SLC19A3: variants seen among roughly 807,000 people sequenced by gnomAD.
The protein encoded by SLC19A3 is thiamine transporter 2.
In SLC19A3, 31 loss-of-function variants were observed where a neutral mutation model predicts 40.2. The ratio of observed to expected loss-of-function variants is 0.77; its 90% CI spans 0.58 to 1.04. The LOEUF (loss-of-function observed/expected upper bound fraction) is 1.04, where lower values mean the gene tolerates loss of function less well. SLC19A3 is among the 50% of genes least tolerant of loss of function. SLC19A3 has a pLI of 0.00. For missense variants in SLC19A3, 592 were observed against 596.7 expected, an observed-to-expected ratio of 0.99 and a Z score of 0.08; for synonymous variants, 212 against 227.5, an observed-to-expected ratio of 0.93 and a Z score of 0.61.
chr2:227,708,560 T>TCAAACAAA (rs60812853), intron 1 of SLC19A3, among the ~76,000 whole-genome samples: 6 of 150,700 alleles, frequency 4.0e-5, no homozygotes, highest in African/African-American at 1.5e-4. Context: ...CCTGTCTCTA[T>TCAAACAAA]CAAACAAACA....
At chr2:227,698,395 T>C (rs996312946) in intron 3 of SLC19A3, among the ~76,000 whole-genome samples, 1 of 152,004 alleles carries the variant, frequency 6.6e-6, no homozygotes, top group Non-Finnish European at 1.5e-5. Flanking sequence ...TCTCCTGTCC[T>C]CGTGATTCGC....
Position 227,688,218 on chromosome 2 carries a change from A to C in SLC19A3, c.1262T>G (p.Met421Arg), listed in dbSNP as rs764115267. 6.2e-7 allele frequency: 1 copy of C among 1,614,148 alleles called. No individual in the cohort carries two copies. Among genetic ancestry groups the C allele is most frequent in the Admixed American group, 1.7e-5 (1 of 60,016 alleles). Residue 421 changes from methionine (M) to arginine (R), a missense_variant, in exon 5 of 6, where the codon ATG (methionine) becomes AGG (arginine). By Grantham distance (91) the Met-to-Arg change is moderately conservative. Coordinates refer to ENST00000644224, the MANE Select transcript of SLC19A3 (RefSeq NM_025243.4). ...TFIALVIQTI[M>R]TVIVVDQRGL... ...TCTCTGATCTACTACAATCACAGTC[A>C]TGATGGTCTGAATCACCAAGGCAAT...
intron 1 of SLC19A3, among the ~76,000 whole-genome samples, chr2:227,709,483 C>CA (rs1318454554): frequency 6.6e-6 from 1 of 152,016 alleles, no homozygotes; most frequent in Non-Finnish European, 1.5e-5. Context: ...GACTCTGTCC[C>CA]AAAAACAACA....
rs996377339 is a variant in SLC19A3, at chr2:227,699,342, C to G, written c.373G>C (p.Ala125Pro). The change falls in exon 3 of 6, where the codon GCC (alanine) becomes CCC (proline). Residue 125 changes from alanine (A) to proline (P), a missense_variant. By Grantham distance (27) the Ala-to-Pro change is conservative. Transcript: ENST00000644224. ...MVTAAEVAYY[A>P]YIYSVVSPEH... ...GGGCTGACCACGCTGTATATGTAGG[C>G]GTAGTAGGCCACCTCGGCGGCGGTG... The G allele has an allele frequency of 1.2e-6, 2 of 1,614,148 alleles. No individual in the cohort carries two copies.
intron 1 of SLC19A3, among the ~76,000 whole-genome samples, chr2:227,712,320 T>G (rs908996302): frequency 6.6e-6 from 1 of 152,046 alleles, no homozygotes; most frequent in East Asian, 1.9e-4. Flanking sequence ...AAAATAGTCT[T>G]AAAAGCAATA....
chr2:227,713,403 A>T (rs1219880143), intron 1 of SLC19A3, among the ~76,000 whole-genome samples: 1 of 3,046 alleles, frequency 3.3e-4, no homozygotes, highest in Non-Finnish European at 0.015. Flanking sequence ...CCCTGTTGTA[A>T]AAAAAAAAAA....
At chr2:227,688,537 A>G (rs188296431) in intron 4 of SLC19A3, among the ~76,000 whole-genome samples, 198 of 152,276 alleles carry the variant, frequency 1.3e-3, no homozygotes, top group Non-Finnish European at 2.2e-3. Flanking sequence ...CCAAAGCAGT[A>G]GCTCTAAGAG....
chr2:227,707,889 G>A (rs1320955609), intron 1 of SLC19A3, among the ~76,000 whole-genome samples: 1 of 152,108 alleles, frequency 6.6e-6, no homozygotes, highest in Non-Finnish European at 1.5e-5. Context: ...CACCATGCCT[G>A]GCTAGTTTTT....
chr2:227,691,139 A>T (rs578236739), intron 4 of SLC19A3, among the ~76,000 whole-genome samples: 1 of 152,336 alleles, frequency 6.6e-6, no homozygotes, highest in South Asian at 2.1e-4. Flanking sequence ...CCATAGAAAC[A>T]CATGGAAATT....
intron 1 of SLC19A3, among the ~76,000 whole-genome samples, chr2:227,714,805 C>CTTTTT (rs869073195): frequency 2.4e-3 from 194 of 79,896 alleles, no homozygotes; most frequent in African/African-American, 2.6e-3. Flanking sequence ...CCTGACTATT[C>CTTTTT]TTTTTTTTTT....
At chr2:227,690,982 A>G (rs1449835969) in intron 4 of SLC19A3, among the ~76,000 whole-genome samples, 1 of 152,178 alleles carries the variant, frequency 6.6e-6, no homozygotes, top group Non-Finnish European at 1.5e-5. Context: ...TGTTCTCAGC[A>G]TATGGATCAT....
At chr2:227,706,210 G>T in intron 1 of SLC19A3, 2 of 676,332 alleles carry the variant, frequency 3.0e-6, no homozygotes, top group Non-Finnish European at 4.2e-6. Context: ...ATTCCATTTT[G>T]ATCCCGTCAT....
At chr2:227,706,512 T>A in intron 1 of SLC19A3, 2 of 1,201,034 alleles carry the variant, frequency 1.7e-6, no homozygotes, top group Non-Finnish European at 2.1e-6. Flanking sequence ...GGCTCATGCT[T>A]GTAATCCCAG....
rs1695016147 is a variant in SLC19A3, at chr2:227,686,373, C to T, written c.*1024G>A. The T allele has an allele frequency of 4.4e-6, 1 of 228,910 alleles. No homozygotes were observed. Among genetic ancestry groups the T allele is most frequent in the Non-Finnish European group, 9.0e-6 (1 of 111,036 alleles). 14.2% of individuals were successfully genotyped at this position (228,910 alleles called of 1,614,324 possible). A position where few individuals can be genotyped will look rare whatever the true frequency, so the allele number is the denominator to read the frequency against. On this transcript the variant is annotated 3_prime_UTR_variant, in exon 6 of 6. Coordinates refer to ENST00000644224, the MANE Select transcript of SLC19A3 (RefSeq NM_025243.4). ...TTACTCTGTTGCCCAGGCTGGAGTGCAATGGTGCAATCATAGCTCACTGTA... is the reference window on the plus strand; with the variant it reads ...TTACTCTGTTGCCCAGGCTGGAGTGTAATGGTGCAATCATAGCTCACTGTA...
chr2:227,690,740 ATT>A lies in SLC19A3; in HGVS notation c.1173-2435_1173-2434del, dbSNP rs200408660. The stretch of plus-strand genomic sequence containing the variant: ...AAAAAAAAAAAAAAAAAAATTGTAA[ATT>A]TTTTTTAACGTATGGAGCACCCATA... On this transcript the variant is annotated intron_variant, in intron 4 of 5. Coordinates refer to ENST00000644224, the MANE Select transcript of SLC19A3 (RefSeq NM_025243.4). Among the ~76,000 whole-genome samples, 123 of 150,134 alleles carry A rather than the reference ATT, an allele frequency of 8.2e-4. 1 individual carries two copies. The East Asian group carries it at 0.02, about 25-fold the overall frequency.
At chr2:227,715,267 AT>A (rs1225258972) in intron 1 of SLC19A3, among the ~76,000 whole-genome samples, 2 of 151,898 alleles carry the variant, frequency 1.3e-5, no homozygotes, top group Non-Finnish European at 2.9e-5. Flanking sequence ...CCAAAAAAAA[AT>A]CTTTGCTGAA....
intron 3 of SLC19A3, among the ~76,000 whole-genome samples, chr2:227,697,618 T>C (rs2106327454): frequency 6.6e-6 from 1 of 152,332 alleles, no homozygotes; most frequent in East Asian, 1.9e-4. Flanking sequence ...CTTAATTTAT[T>C]TTCTAAAATA....
intron 5 of SLC19A3, 58 bp from the exon 6 acceptor site, chr2:227,687,631 A>C: frequency 6.4e-7 from 1 of 1,550,982 alleles, no homozygotes; most frequent in East Asian, 2.3e-5. Flanking sequence ...GTCAATGATA[A>C]TACATCCTAA....
Position 227,688,407 on chromosome 2 carries a change from C to T in SLC19A3, c.1173-100G>A, listed in dbSNP as rs1050446746. The T allele has an allele frequency of 4.7e-6, 5 of 1,054,724 alleles. No homozygotes were observed. The South Asian group carries it at 5.3e-5, about 11-fold the overall frequency. 65.3% of individuals were successfully genotyped at this position (1,054,724 alleles called of 1,614,324 possible). A position where few individuals can be genotyped will look rare whatever the true frequency, so the allele number is the denominator to read the frequency against. On this transcript the variant is annotated intron_variant, in intron 4 of 5. Transcript: ENST00000644224. ...GCCACAGGGGTATTTGTGTCACCCA[C>T]CTCCAGCTCCAGGTAGTCCAGCAAA...
Sources: gnomAD v4.1 joint callset for allele counts (sites outside exome capture counted in the v4.1 genomes callset) on GRCh38, gnomAD v4.1.1 for gene constraint, MANE v1.5 for transcripts, NCBI Gene and HGNC (gene_info 2026-07-23, HGNC 2026-07-21) for gene names.